Variants in ZNF695 observed in about 807,000 individuals in gnomAD.
ZNF695 encodes the protein zinc finger protein SBZF3.
In ZNF695, 11 loss-of-function variants were observed where a neutral mutation model predicts 11.2. The observed-to-expected ratio is 0.98, with a 90% confidence interval of 0.62 to 1.62. The LOEUF is 1.62. Ranked by LOEUF, ZNF695 falls within the 40% of genes most tolerant of loss-of-function variation. ZNF695 has a pLI of 0.00. For synonymous variants in ZNF695, 190 were observed against 201.4 expected (o/e 0.94, Z 0.48); for missense variants, 559 against 590.5 (o/e 0.95, Z 0.55).
downstream of ZNF695, among the ~76,000 whole-genome samples, chr1:246,983,004 C>T (rs1668751840): frequency 6.7e-6 from 1 of 149,584 alleles, no homozygotes; most frequent in Non-Finnish European, 1.5e-5. Flanking sequence ...GAGATTGAGA[C>T]CATCCTGGGG....
intron 3 of ZNF695, among the ~76,000 whole-genome samples, chr1:246,989,649 T>C (rs1668967311): frequency 6.6e-6 from 1 of 152,046 alleles, no homozygotes; most frequent in African/African-American, 2.4e-5. Flanking sequence ...GTAAATGGAG[T>C]AAATTATCCA....
downstream of ZNF695, among the ~76,000 whole-genome samples, chr1:246,984,412 G>A (rs1280117230): frequency 6.6e-6 from 1 of 152,086 alleles, no homozygotes; most frequent in Non-Finnish European, 1.5e-5. Context: ...AGTCAGTTGT[G>A]CAGCCTGGGT....
rs528067701 is a variant in ZNF695 at position 246,993,431 on chromosome 1, C to CA, written c.260-5177dup. ...CTCAAAAAACAAACAAACAAACAAA[C>CA]AAAAAAAAACACCATTCCAGAGAAG... On this transcript the variant is annotated intron_variant, in intron 3 of 3. Transcript: ENST00000339986. Among the ~76,000 whole-genome samples, 406 of 149,574 alleles carry CA rather than the reference C, an allele frequency of 2.7e-3. 1 individual carries two copies. The highest frequency in any genetic ancestry group is 4.9e-3 in the South Asian group (23 of 4,718).
intron 5 of ZNF695, among the ~76,000 whole-genome samples, chr1:246,947,874 T>C (rs1203647584): frequency 6.6e-6 from 1 of 152,178 alleles, no homozygotes; most frequent in Non-Finnish European, 1.5e-5. Context: ...ATAATATACA[T>C]GCTGCAAAAT....
At chr1:246,983,461 C>T (rs2103020124), downstream of ZNF695, among the ~76,000 whole-genome samples, 1 of 152,206 alleles carries the variant, frequency 6.6e-6, no homozygotes. Context: ...GTTGAGACTG[C>T]AGTAAGCTAT....
intron 5 of ZNF695, among the ~76,000 whole-genome samples, chr1:246,952,849 C>A (rs537669485): frequency 6.6e-6 from 1 of 151,766 alleles, no homozygotes; most frequent in South Asian, 2.1e-4. Flanking sequence ...GAGGCTGAGG[C>A]AGGAGGATCA....
At chr1:246,977,283 G>C (rs1231024292) in intron 4 of ZNF695, among the ~76,000 whole-genome samples, 2 of 152,246 alleles carry the variant, frequency 1.3e-5, no homozygotes, top group African/African-American at 4.8e-5. Context: ...TTTTGAGACA[G>C]AGTCGGTCTG....
downstream of ZNF695, chr1:246,985,225 G>A: frequency 1.1e-6 from 1 of 876,288 alleles, no homozygotes; most frequent in Non-Finnish European, 1.4e-6. Context: ...AAAACTAAAA[G>A]CATGTATATG....
At chr1:246,949,145 C>A (rs140545138) in intron 5 of ZNF695, among the ~76,000 whole-genome samples, 1,570 of 152,204 alleles carry the variant, frequency 0.01, 20 homozygotes, top group African/African-American at 0.035. Flanking sequence ...AGTAATGAAA[C>A]AGAAGGACCC....
At chr1:246,976,593 G>A (rs1406133629) in intron 4 of ZNF695, among the ~76,000 whole-genome samples, 1 of 151,558 alleles carries the variant, frequency 6.6e-6, no homozygotes, top group South Asian at 2.1e-4. Flanking sequence ...AGGAGATCGA[G>A]ACCATCCTGG....
At chr1:246,961,674 A>C (rs896755243) in intron 5 of ZNF695, among the ~76,000 whole-genome samples, 4 of 152,098 alleles carry the variant, frequency 2.6e-5, no homozygotes, top group East Asian at 1.9e-4. Flanking sequence ...ATTGTCACCC[A>C]CTGGTCCCTG....
In ZNF695 at chr1:246,988,055, T is replaced by A; in HGVS notation, c.460A>T (p.Lys154Ter). The change falls in exon 4 of 4, where the codon AAA (lysine) becomes TAA (stop). Residue 154 changes from lysine to a stop codon, truncating the protein, a stop_gained. Transcript: ENST00000339986. LOFTEE classifies it low-confidence loss of function (END_TRUNC). Reference sequence around the variant, plus strand: ...ACACATTTATTGCATTGAAAGTTTTTGCTATGAGTAGTTGCTGAGCATAGG... The same window carrying A: ...ACACATTTATTGCATTGAAAGTTTTAGCTATGAGTAGTTGCTGAGCATAGG... ...LDLCSATTHSKNFQCNKCVKG... is the reference protein window; with the variant it reads ...LDLCSATTHS 6.2e-7 allele frequency: 1 copy of A among 1,602,224 alleles called. No homozygotes were observed. Among genetic ancestry groups the A allele is most frequent in the South Asian group, 1.1e-5 (1 of 88,614 alleles).
At chr1:246,949,352 C>T (rs1030977329) in intron 5 of ZNF695, among the ~76,000 whole-genome samples, 7 of 152,026 alleles carry the variant, frequency 4.6e-5, no homozygotes, top group African/African-American at 1.7e-4. Flanking sequence ...ACACTTTGGG[C>T]GGCCGAGGCA....
intron 1 of ZNF695, among the ~76,000 whole-genome samples, chr1:247,000,757 T>C (rs1031999451): frequency 6.6e-6 from 1 of 152,226 alleles, no homozygotes; most frequent in Non-Finnish European, 1.5e-5. Context: ...TTAACAAGTA[T>C]GTCAGTGAAG....
chr1:247,004,313 T>C lies in ZNF695; in HGVS notation c.3+3593A>G, dbSNP rs189536363. On this transcript the variant is annotated intron_variant, in intron 1 of 3. Transcript: ENST00000339986. ...TATGTAAATCAACCCATGTAACACA[T>C]CATATTAACAGAATGAAGGAGAAAA... Among the ~76,000 whole-genome samples, 5 of 151,974 alleles carry C rather than the reference T, an allele frequency of 3.3e-5. 2 individuals are homozygous for C. The highest frequency in any genetic ancestry group is 1.2e-4 in the African/African-American group (5 of 41,444).
At chr1:246,972,798 G>T (rs56668948) in intron 4 of ZNF695, among the ~76,000 whole-genome samples, 3 of 151,922 alleles carry the variant, frequency 2.0e-5, no homozygotes, top group Non-Finnish European at 2.9e-5. Context: ...GATTGCAGGC[G>T]TGAGCCACTG....
intron 5 of ZNF695, among the ~76,000 whole-genome samples, chr1:246,946,614 A>C (rs1403912495): frequency 6.6e-6 from 1 of 152,262 alleles, no homozygotes; most frequent in African/African-American, 2.4e-5. Flanking sequence ...CTCTTGGAGA[A>C]AACTTGGTCA....
chr1:246,968,042 A>G (rs1415767112), intron 4 of ZNF695: 1 of 153,460 alleles, frequency 6.5e-6, no homozygotes, highest in African/African-American at 2.4e-5. Context: ...ATTTCAAAAC[A>G]CAATTATGCT....
At position 246,999,465 on chromosome 1, in the gene ZNF695, T is replaced by C. The variant is rs76630602; in HGVS notation, c.167-25A>G. Reference sequence around the variant, plus strand: ...CCTGTTTTATTAGAAAAAAGGTGCATGATTCTTGCAGGGATTCTTTAATCA... The same window carrying C: ...CCTGTTTTATTAGAAAAAAGGTGCACGATTCTTGCAGGGATTCTTTAATCA... On this transcript the variant is annotated intron_variant, in intron 2 of 3. Transcript: ENST00000339986. 3,598 of 1,577,398 alleles carry C rather than the reference T, an allele frequency of 2.3e-3. 46 individuals carry two copies. The Admixed American group carries it at 0.03, about 13-fold the overall frequency.
Sources: allele counts gnomAD v4.1 joint callset (sites outside exome capture counted in the v4.1 genomes callset), GRCh38; gene constraint gnomAD v4.1.1; transcripts MANE v1.5; gene names NCBI Gene and HGNC (gene_info 2026-07-23, HGNC 2026-07-21).